CNTNAP2: variants seen among roughly 807,000 people sequenced by gnomAD.
CNTNAP2 encodes the protein contactin associated protein 2.
A neutral mutation model predicts 155.2 loss-of-function variants in CNTNAP2; 98 were observed. That is an observed-to-expected ratio of 0.63 (90% CI 0.54 to 0.75). The LOEUF (loss-of-function observed/expected upper bound fraction) is 0.75, where lower values mean the gene tolerates loss of function less well. Among genes scored for constraint, CNTNAP2 ranks in the 30% least tolerant of loss-of-function variants. The pLI is 0.00. For synonymous variants in CNTNAP2, 651 were observed against 631.2 expected, an observed-to-expected ratio of 1.03 and a Z score of -0.47; for missense variants, 1,727 against 1,688.1, an observed-to-expected ratio of 1.02 and a Z score of -0.40.
At chr7:147,348,511 T>C (rs1795916519) in intron 9 of CNTNAP2, among the ~76,000 whole-genome samples, 1 of 151,938 alleles carries the variant, frequency 6.6e-6, no homozygotes, top group African/African-American at 2.4e-5. Flanking sequence ...CTCACAAGTA[T>C]GAAGAGAAAA....
chr7:147,651,677 G>A (rs758200199), intron 13 of CNTNAP2, among the ~76,000 whole-genome samples: 1 of 152,084 alleles, frequency 6.6e-6, no homozygotes, highest in African/African-American at 2.4e-5. Context: ...GCCAAACAAA[G>A]TTAGAACAAT....
chr7:146,237,464 C>T (rs1028149234), intron 1 of CNTNAP2, among the ~76,000 whole-genome samples: 2 of 152,162 alleles, frequency 1.3e-5, no homozygotes, highest in Non-Finnish European at 2.9e-5. Context: ...CTTTGCATTG[C>T]GTCTTCAGTT....
At chr7:148,223,927 C>T (rs935674218) in intron 19 of CNTNAP2, among the ~76,000 whole-genome samples, 5 of 152,152 alleles carry the variant, frequency 3.3e-5, no homozygotes, top group African/African-American at 7.2e-5. Flanking sequence ...GCATAATTGC[C>T]GGTTCCTCCG....
At chr7:147,185,167 A>G (rs996736336) in intron 8 of CNTNAP2, among the ~76,000 whole-genome samples, 2 of 152,188 alleles carry the variant, frequency 1.3e-5, no homozygotes, top group Non-Finnish European at 2.9e-5. Flanking sequence ...AAAAAGAGCA[A>G]CAAAATCCCA....
At chr7:148,283,986 A>G (rs1797035585) in intron 21 of CNTNAP2, among the ~76,000 whole-genome samples, 1 of 152,260 alleles carries the variant, frequency 6.6e-6, no homozygotes, top group South Asian at 2.1e-4. Flanking sequence ...ATGTTTTAGT[A>G]TTCACTAATT....
chr7:148,119,601 G>A (rs1287906779), intron 16 of CNTNAP2, among the ~76,000 whole-genome samples: 1 of 152,144 alleles, frequency 6.6e-6, no homozygotes, highest in African/African-American at 2.4e-5. Flanking sequence ...CCTGGGTCTG[G>A]TCTGAGAATG....
intron 1 of CNTNAP2, among the ~76,000 whole-genome samples, chr7:146,670,764 G>T (rs1391812476): frequency 6.6e-6 from 1 of 152,078 alleles, no homozygotes; most frequent in African/African-American, 2.4e-5. Context: ...CACAGCCAAG[G>T]GAAGGACTGG....
chr7:147,836,544 C>A (rs570929438), intron 13 of CNTNAP2, among the ~76,000 whole-genome samples: 1 of 152,294 alleles, frequency 6.6e-6, no homozygotes, highest in South Asian at 2.1e-4. Flanking sequence ...AGATCAGCCC[C>A]ACACATACAC....
intron 4 of CNTNAP2, among the ~76,000 whole-genome samples, chr7:147,096,360 A>T (rs1800533526): frequency 6.6e-6 from 1 of 152,208 alleles, no homozygotes; most frequent in Admixed American, 6.5e-5. Flanking sequence ...TAACACCAGC[A>T]TTCCTGCATA....
At chr7:147,955,376 G>C (rs1251954940) in intron 14 of CNTNAP2, among the ~76,000 whole-genome samples, 1 of 151,986 alleles carries the variant, frequency 6.6e-6, no homozygotes, top group Admixed American at 6.6e-5. Flanking sequence ...AGCATAACAT[G>C]CTTTTATTTT....
At chr7:146,227,482 T>A (rs1281582374) in intron 1 of CNTNAP2, among the ~76,000 whole-genome samples, 1 of 144,740 alleles carries the variant, frequency 6.9e-6, no homozygotes, top group African/African-American at 2.6e-5. Context: ...GAGATATGCA[T>A]AAATATTTCA....
intron 22 of CNTNAP2, among the ~76,000 whole-genome samples, chr7:148,392,663 G>GAGTT: frequency 6.6e-6 from 1 of 152,146 alleles, no homozygotes; most frequent in East Asian, 1.9e-4. Context: ...GGAGGGAAGG[G>GAGTT]AGTTAACACC....
intron 1 of CNTNAP2, among the ~76,000 whole-genome samples, chr7:146,397,870 G>GGTTTTTT (rs1554428065): frequency 8.5e-6 from 1 of 117,498 alleles, no homozygotes; most frequent in African/African-American, 4.6e-5. Flanking sequence ...AATTTGACAG[G>GGTTTTTT]CTTTTATTTA....
chr7:147,652,715 A>G (rs1449284547), intron 13 of CNTNAP2, among the ~76,000 whole-genome samples: 1 of 151,812 alleles, frequency 6.6e-6, no homozygotes, highest in African/African-American at 2.4e-5. Context: ...GAAGTTAGAA[A>G]GGAAGGAAGG....
At chr7:147,412,996 T>A (rs1481350892) in intron 10 of CNTNAP2, among the ~76,000 whole-genome samples, 1 of 152,228 alleles carries the variant, frequency 6.6e-6, no homozygotes, top group Non-Finnish European at 1.5e-5. Flanking sequence ...GACACTGTCA[T>A]CACATTTTGC....
intron 1 of CNTNAP2, among the ~76,000 whole-genome samples, chr7:146,143,501 T>C (rs1246802795): frequency 6.6e-6 from 1 of 152,110 alleles, no homozygotes; most frequent in Non-Finnish European, 1.5e-5. Flanking sequence ...TTGTCACTCC[T>C]ATAAACTTAT....
At chr7:147,031,090 G>T (rs1799023999) in intron 3 of CNTNAP2, among the ~76,000 whole-genome samples, 1 of 152,010 alleles carries the variant, frequency 6.6e-6, no homozygotes, top group African/African-American at 2.4e-5. Context: ...TTCTTAGGTT[G>T]TATTTTAACA....
chr7:146,989,773 T>C (rs1351878682), intron 3 of CNTNAP2, among the ~76,000 whole-genome samples: 3 of 152,046 alleles, frequency 2.0e-5, no homozygotes, highest in Non-Finnish European at 4.4e-5. Context: ...AATTAGCCCG[T>C]TTAGTAACTC....
chr7:147,005,639 G>A (rs1798511524), intron 3 of CNTNAP2, among the ~76,000 whole-genome samples: 1 of 152,004 alleles, frequency 6.6e-6, no homozygotes. Context: ...ACCAAGAAAA[G>A]TATGGTAATC....
Sources: allele counts gnomAD v4.1 joint callset (sites outside exome capture counted in the v4.1 genomes callset), GRCh38; gene constraint gnomAD v4.1.1; transcripts MANE v1.5; gene names NCBI Gene and HGNC (gene_info 2026-07-23, HGNC 2026-07-21).